The following AGO3 variants were observed in gnomAD, a reference collection of about 807,000 sequenced individuals.
AGO3 encodes protein argonaute-3.
AGO3 carries 16 observed loss-of-function variants against 105.5 expected under a neutral mutation model. The observed-to-expected ratio is 0.15, with a 90% confidence interval of 0.10 to 0.23. AGO3 has a LOEUF of 0.23. Ranked by LOEUF, AGO3 falls within the 10% of genes least tolerant of loss-of-function variation. The pLI is 1.00. For missense variants in AGO3, 534 were observed against 1,088.0 expected, an observed-to-expected ratio of 0.49 and a Z score of 7.16; for synonymous variants, 340 against 367.3, an observed-to-expected ratio of 0.93 and a Z score of 0.85.
chr1:35,966,992 A>G lies in AGO3; in HGVS notation c.229A>G (p.Thr77Ala), dbSNP rs765564285. Residue 77 changes from threonine (T) to alanine (A), a missense_variant, in exon 3 of 19, where the codon ACT becomes GCT. Thr to Ala is a moderately conservative substitution (Grantham distance 58). This residue lies in a region of AGO3 where 161 missense variants were observed against 234.0 expected (regional missense o/e 0.69). Transcript: ENST00000373191. ...CTCAATGGTTCAGCATTTTAAAGTA[A>G]CTATATTTGGAGACCGTAGACCAGT... is the stretch of plus-strand genomic sequence containing the variant. ...VDSMVQHFKV[T>A]IFGDRRPVYD... 7 of 1,613,272 alleles carry G rather than the reference A, an allele frequency of 4.3e-6. No homozygotes were observed. The highest frequency in any genetic ancestry group is 5.1e-6 in the Non-Finnish European group (6 of 1,179,764).
chr1:36,057,339 T>TAC lies in AGO3; in HGVS notation c.*1595_*1596insCA, dbSNP rs1491228608. On this transcript the variant is annotated 3_prime_UTR_variant, in exon 19 of 19. Transcript: ENST00000373191. ...CTTAATGTGATTTTCATATATTTTT[T>TAC]ATATATATATATGTATGTGTGTGTA... 1.3e-5 allele frequency: 2 copies of TAC among 148,600 alleles called. No individual in the cohort carries two copies. Among genetic ancestry groups the TAC allele is most frequent in the East Asian group, 3.9e-4 (2 of 5,176 alleles). The allele number at this position is 148,600 out of a possible 1,614,324, so 9.2% of individuals were successfully genotyped here. A position where few individuals can be genotyped will look rare whatever the true frequency, so the allele number is the denominator to read the frequency against.
At chr1:36,025,282 G>A (rs1479246865) in intron 11 of AGO3, among the ~76,000 whole-genome samples, 1 of 151,682 alleles carries the variant, frequency 6.6e-6, no homozygotes, top group Admixed American at 6.6e-5. Flanking sequence ...ATCTCTAAAT[G>A]GATGCTTTAA....
chr1:35,956,665 G>A (rs1004359281), intron 2 of AGO3, among the ~76,000 whole-genome samples: 3 of 150,820 alleles, frequency 2.0e-5, no homozygotes, highest in African/African-American at 7.3e-5. Context: ...TTTGGAGAGG[G>A]AGTCTCGCTC....
At chr1:36,022,059 G>A (rs967555797) in intron 11 of AGO3, among the ~76,000 whole-genome samples, 1 of 127,142 alleles carries the variant, frequency 7.9e-6, no homozygotes, top group African/African-American at 2.8e-5. Context: ...CTAAGTTGGG[G>A]GCCTTTTTTT....
In AGO3 at chr1:35,967,224, TAAAG is replaced by T. The variant is rs1001039835; in HGVS notation, c.312+153_312+156del. ...TTTTGTTTTGAAATAATTTCAAACT[TAAAG>T]AAAAGTTGCAGGAATCATGCAGAGA... On this transcript the variant is annotated intron_variant, in intron 3 of 18. Coordinates refer to ENST00000373191, the MANE Select transcript of AGO3 (RefSeq NM_024852.4). 67 of 1,145,538 alleles carry T rather than the reference TAAAG, an allele frequency of 5.8e-5. 1 individual carries two copies. Among genetic ancestry groups the T allele is most frequent in the African/African-American group, 5.4e-4 (34 of 63,518 alleles). The allele number at this position is 1,145,538 out of a possible 1,614,324, so 71.0% of individuals were successfully genotyped here.
intron 5 of AGO3, among the ~76,000 whole-genome samples, chr1:35,990,304 C>T (rs1205334560): frequency 6.6e-6 from 1 of 152,116 alleles, no homozygotes; most frequent in Non-Finnish European, 1.5e-5. Flanking sequence ...GTCAGGAGAT[C>T]AAGACCATCC....
At chr1:35,951,564 C>CT (rs1646470286) in intron 2 of AGO3, among the ~76,000 whole-genome samples, 1 of 151,598 alleles carries the variant, frequency 6.6e-6, no homozygotes, top group Admixed American at 6.6e-5. Flanking sequence ...AATTTTTCTA[C>CT]TTTTTGTAGA....
intron 17 of AGO3, among the ~76,000 whole-genome samples, chr1:36,046,762 G>A (rs1642490975): frequency 6.7e-6 from 1 of 148,472 alleles, no homozygotes; most frequent in South Asian, 2.2e-4. Flanking sequence ...TACCTAAGCT[G>A]AAGCAGTGCC....
chr1:35,956,920 A>T (rs1646577571), intron 2 of AGO3, among the ~76,000 whole-genome samples: 1 of 151,720 alleles, frequency 6.6e-6, no homozygotes, highest in African/African-American at 2.4e-5. Flanking sequence ...AGTTGCTAGG[A>T]TTACAGGCAT....
intron 16 of AGO3, among the ~76,000 whole-genome samples, chr1:36,042,755 T>C (rs1642302517): frequency 6.6e-6 from 1 of 152,184 alleles, no homozygotes; most frequent in Non-Finnish European, 1.5e-5. Flanking sequence ...TTATATTATA[T>C]CCACTCAGAG....
chr1:36,002,847 G>A (rs560565487), intron 5 of AGO3, among the ~76,000 whole-genome samples: 1 of 152,174 alleles, frequency 6.6e-6, no homozygotes, highest in South Asian at 2.1e-4. Context: ...GCCTCCCAAA[G>A]TGCTGGGATT....
intron 5 of AGO3, among the ~76,000 whole-genome samples, chr1:35,996,389 C>CTCT (rs1235109611): frequency 1.3e-5 from 2 of 149,500 alleles, no homozygotes; most frequent in Non-Finnish European, 3.0e-5. Context: ...CGTAACAGAA[C>CTCT]AACGCTTAGG....
Position 35,931,251 on chromosome 1 carries a change from G to T in AGO3, c.-176G>T. 1 of 470,884 alleles carries T rather than the reference G, an allele frequency of 2.1e-6. No homozygotes were observed. The allele number at this position is 470,884 out of a possible 1,614,324, so 29.2% of individuals were successfully genotyped here. A position where few individuals can be genotyped will look rare whatever the true frequency, so the allele number is the denominator to read the frequency against. ...TAGTCCTGTGCCGTTTTCCGTCCGC[G>T]ACTCTTCCGGCCCAGAGCTTTCGGA... On this transcript the variant is annotated 5_prime_UTR_variant, in exon 1 of 19. Transcript: ENST00000373191.
intron 2 of AGO3, among the ~76,000 whole-genome samples, chr1:35,961,595 C>T (rs1646678201): frequency 6.6e-6 from 1 of 152,152 alleles, no homozygotes; most frequent in Non-Finnish European, 1.5e-5. Context: ...CTTTCCTATT[C>T]CAAACCAGAC....
chr1:35,966,366 A>G (rs1410856886), intron 2 of AGO3, among the ~76,000 whole-genome samples: 9 of 152,148 alleles, frequency 5.9e-5, no homozygotes, highest in Non-Finnish European at 1.3e-4. Context: ...TAAGTTTTGA[A>G]TATATAAGTA....
At chr1:35,960,602 G>A (rs952628326) in intron 2 of AGO3, among the ~76,000 whole-genome samples, 5 of 152,048 alleles carry the variant, frequency 3.3e-5, no homozygotes, top group African/African-American at 7.2e-5. Flanking sequence ...GAACCCAGGA[G>A]TTGGAGACCA....
intron 17 of AGO3, among the ~76,000 whole-genome samples, chr1:36,054,666 A>C (rs531355771): frequency 6.6e-6 from 1 of 152,308 alleles, no homozygotes; most frequent in East Asian, 1.9e-4. Flanking sequence ...AGATCGTTTA[A>C]GGTCAGGAGT....
chr1:36,028,435 C>T (rs1361593304), intron 12 of AGO3, among the ~76,000 whole-genome samples: 1 of 136,008 alleles, frequency 7.4e-6, no homozygotes, highest in African/African-American at 2.7e-5. Context: ...GTGATGTTCC[C>T]CTTCCTGTGT....
At position 36,068,104 on chromosome 1, in the gene AGO3, ATCACACACAC is replaced by A. The variant is rs758530003; in HGVS notation, c.*12369_*12378del. 2 of 152,112 alleles carry A rather than the reference ATCACACACAC, an allele frequency of 1.3e-5. No individual in the cohort carries two copies. The highest frequency in any genetic ancestry group is 2.9e-5 in the Non-Finnish European group (2 of 68,020). The allele number at this position is 152,112 out of a possible 1,614,324, so 9.4% of individuals were successfully genotyped here. A position where few individuals can be genotyped will look rare whatever the true frequency, so the allele number is the denominator to read the frequency against. The stretch of plus-strand genomic sequence containing the variant: ...ATCACACAATTGTTCTTTTTTCCCC[ATCACACACAC>A]TCACACACAAACACACACACTGTTA... On this transcript the variant is annotated 3_prime_UTR_variant, in exon 19 of 19. Coordinates refer to ENST00000373191, the MANE Select transcript of AGO3 (RefSeq NM_024852.4).
Sources: gnomAD v4.1 joint callset for allele counts (sites outside exome capture counted in the v4.1 genomes callset) on GRCh38, gnomAD v4.1.1 for gene constraint, gnomAD v4.1.1 regional missense constraint, MANE v1.5 for transcripts, NCBI Gene and HGNC (gene_info 2026-07-23, HGNC 2026-07-21) for gene names.